MXI1: variants seen among roughly 807,000 people sequenced by gnomAD.
The protein encoded by MXI1 is MAX interactor 1, dimerization protein.
MXI1 carries 18 observed loss-of-function variants against 36.9 expected under a neutral mutation model. That is an observed-to-expected ratio of 0.49 (90% confidence interval 0.34 to 0.72). The LOEUF (loss-of-function observed/expected upper bound fraction) is 0.72. Among genes scored for constraint, MXI1 ranks in the 30% least tolerant of loss-of-function variants. The pLI is 0.01. For synonymous variants in MXI1, 160 were observed against 146.7 expected (o/e 1.09, Z -0.65); for missense variants, 304 against 379.1 (o/e 0.80, Z 1.64).
chr10:110,207,649 TCA>T lies in MXI1; in HGVS notation c.-151_-150del. 2 of 211,736 alleles carry T rather than the reference TCA, an allele frequency of 9.4e-6. No homozygotes were observed. Among genetic ancestry groups the T allele is most frequent in the Non-Finnish European group, 1.7e-5 (2 of 116,282 alleles). The allele number at this position is 211,736 out of a possible 1,614,324, so 13.1% of individuals were successfully genotyped here. On this transcript the variant is annotated 5_prime_UTR_variant, in exon 1 of 6. Coordinates refer to ENST00000332674, the MANE Select transcript of MXI1 (RefSeq NM_130439.3). ...GAGACCGACACACACTCCCATACAC[TCA>T]CACACACAACTGCAGGCAGCGAGGC...
chr10:110,264,749 C>A (rs1426759840), intron 3 of MXI1, among the ~76,000 whole-genome samples: 1 of 152,090 alleles, frequency 6.6e-6, no homozygotes, highest in African/African-American at 2.4e-5. Flanking sequence ...CAGGCAAATT[C>A]CTGTTAACTT....
Position 110,213,709 on chromosome 10 carries a change from C to T in MXI1, c.274+5627C>T, listed in dbSNP as rs186890971. ...TCCTGGTTTGGGAGCAAAAAGGAGG[C>T]TCCATTAGCTACCAAGGCAAAACAG... On this transcript the variant is annotated intron_variant, in intron 1 of 5. Transcript: ENST00000332674. 6.4e-4 allele frequency among the ~76,000 whole-genome samples: 98 copies of T among 152,292 alleles called. 1 individual carries two copies. Among genetic ancestry groups the T allele is most frequent in the Admixed American group, 6.3e-3 (96 of 15,296 alleles).
chr10:110,241,568 A>G (rs1366391521), intron 2 of MXI1, among the ~76,000 whole-genome samples: 1 of 151,608 alleles, frequency 6.6e-6, no homozygotes, highest in Admixed American at 6.6e-5. Flanking sequence ...TCTCTGTAAT[A>G]TACTCCTAAA....
intron 3 of MXI1, among the ~76,000 whole-genome samples, chr10:110,248,611 C>T (rs1855958476): frequency 6.6e-6 from 1 of 152,116 alleles, no homozygotes; most frequent in Non-Finnish European, 1.5e-5. Flanking sequence ...AGGCTGGTTT[C>T]TTACCCTACC....
At chr10:110,254,251 C>T (rs754315224) in intron 3 of MXI1, among the ~76,000 whole-genome samples, 1 of 152,060 alleles carries the variant, frequency 6.6e-6, no homozygotes, top group African/African-American at 2.4e-5. Context: ...TCATACGTTA[C>T]GATGATCTGT....
chr10:110,221,060 G>T (rs886191952), intron 1 of MXI1, among the ~76,000 whole-genome samples: 1 of 152,306 alleles, frequency 6.6e-6, no homozygotes, highest in Middle Eastern at 3.4e-3. Flanking sequence ...GGTGAGGTTG[G>T]GCCCAAGGTT....
At chr10:110,281,527 C>T (rs986689758) in intron 5 of MXI1, among the ~76,000 whole-genome samples, 2 of 152,062 alleles carry the variant, frequency 1.3e-5, no homozygotes, top group Non-Finnish European at 2.9e-5. Flanking sequence ...TTCTCTTCCC[C>T]CTACACCGTT....
At chr10:110,220,692 T>C (rs969330420) in intron 1 of MXI1, among the ~76,000 whole-genome samples, 1 of 152,202 alleles carries the variant, frequency 6.6e-6, no homozygotes, top group African/African-American at 2.4e-5. Flanking sequence ...AAAAACAAGT[T>C]ACATCTAACT....
intron 1 of MXI1, among the ~76,000 whole-genome samples, chr10:110,214,558 C>G (rs541975644): frequency 6.6e-6 from 1 of 152,048 alleles, no homozygotes; most frequent in Non-Finnish European, 1.5e-5. Context: ...CCTGCAGAAG[C>G]GAATTGGCCA....
chr10:110,209,232 C>T (rs886783308), intron 1 of MXI1, among the ~76,000 whole-genome samples: 4 of 151,768 alleles, frequency 2.6e-5, no homozygotes, highest in African/African-American at 4.8e-5. Context: ...GGGAACTAGG[C>T]AGACAGACCG....
chr10:110,269,735 G>C (rs1021230085), intron 3 of MXI1, among the ~76,000 whole-genome samples: 1 of 152,166 alleles, frequency 6.6e-6, no homozygotes, highest in Non-Finnish European at 1.5e-5. Flanking sequence ...TTACCCCATG[G>C]TGGCTGGCAG....
chr10:110,236,124 CTTTTTTTTTTTTTTTTTTTTTT>C (rs60576710), intron 2 of MXI1, among the ~76,000 whole-genome samples: 37 of 33,578 alleles, frequency 1.1e-3, no homozygotes, highest in African/African-American at 2.8e-3. Flanking sequence ...GGTTGAAGTT[CTTTTTTTTTTTTTTTTTTTTTT>C]TTTTTTTTTT....
intron 1 of MXI1, among the ~76,000 whole-genome samples, chr10:110,221,311 T>C (rs1854801766): frequency 6.6e-6 from 1 of 152,206 alleles, no homozygotes; most frequent in Admixed American, 6.5e-5. Context: ...CTCAGCTTTC[T>C]CAAGTGAAAA....
At chr10:110,235,118 T>C (rs980789039) in intron 2 of MXI1, among the ~76,000 whole-genome samples, 2 of 152,234 alleles carry the variant, frequency 1.3e-5, no homozygotes, top group African/African-American at 4.8e-5. Context: ...TTGTTTGCTT[T>C]CATATTTCTA....
intron 2 of MXI1, among the ~76,000 whole-genome samples, chr10:110,240,424 T>C (rs1855629806): frequency 6.6e-6 from 1 of 152,094 alleles, no homozygotes; most frequent in Non-Finnish European, 1.5e-5. Flanking sequence ...TGGTGGTAAT[T>C]GTTTTGTCAT....
intron 1 of MXI1, among the ~76,000 whole-genome samples, chr10:110,212,931 A>G (rs988088872): frequency 4.6e-5 from 7 of 152,218 alleles, no homozygotes; most frequent in African/African-American, 1.7e-4. Flanking sequence ...ACAGTATTCA[A>G]TGCATGTTAC....
chr10:110,244,695 G>T (rs1855795563), intron 2 of MXI1, 133 bp from the exon 3 acceptor site: 1 of 634,106 alleles, frequency 1.6e-6, no homozygotes, highest in Non-Finnish European at 2.7e-6. Flanking sequence ...CGATGAGTGA[G>T]CTTGTAGAAG....
intron 2 of MXI1, 86 bp from the exon 3 acceptor site, chr10:110,244,742 G>A: frequency 9.3e-7 from 1 of 1,073,618 alleles, no homozygotes; most frequent in Non-Finnish European, 1.4e-6. Flanking sequence ...AAATTCACTA[G>A]GTGTAGCATA....
rs897187438 is a variant in MXI1, at chr10:110,235,732, C to T, written c.407+7411C>T. On this transcript the variant is annotated intron_variant, in intron 2 of 5. Coordinates refer to ENST00000332674, the MANE Select transcript of MXI1 (RefSeq NM_130439.3). Reference sequence around the variant, plus strand: ...AAATAAATAAATAAGCTCTATTGGCCGGGTGTGGTGGCTTATGCCTGTGTT... The same window carrying T: ...AAATAAATAAATAAGCTCTATTGGCTGGGTGTGGTGGCTTATGCCTGTGTT... 6.0e-5 allele frequency among the ~76,000 whole-genome samples: 9 copies of T among 150,842 alleles called. No individual in the cohort carries two copies. The South Asian group carries it at 6.3e-4, about 11-fold the overall frequency.
Sources: gnomAD v4.1 joint callset for allele counts (sites outside exome capture counted in the v4.1 genomes callset) on GRCh38, gnomAD v4.1.1 for gene constraint, MANE v1.5 for transcripts, NCBI Gene and HGNC (gene_info 2026-07-23, HGNC 2026-07-21) for gene names.